The following ST8SIA4 variants were observed in gnomAD, a reference collection of about 807,000 sequenced individuals.
ST8SIA4 encodes the protein ST8 alpha-N-acetyl-neuraminide alpha-2,8-sialyltransferase 4, also known as CMP-N-acetylneuraminate-poly-alpha-2,8-sialyltransferase.
ST8SIA4 carries 15 observed loss-of-function variants against 33.9 expected under a neutral mutation model. That is an observed-to-expected ratio of 0.44 (90% CI 0.30 to 0.68). The LOEUF is 0.68. Among genes scored for constraint, ST8SIA4 ranks in the 30% least tolerant of loss-of-function variants. The pLI is 0.10. For missense variants in ST8SIA4, 321 were observed against 428.0 expected, an observed-to-expected ratio of 0.75 and a Z score of 2.21; for synonymous variants, 171 against 151.2, an observed-to-expected ratio of 1.13 and a Z score of -0.96.
chr5:100,862,776 C>T (rs929346981), intron 3 of ST8SIA4, among the ~76,000 whole-genome samples: 6 of 152,174 alleles, frequency 3.9e-5, no homozygotes, highest in Non-Finnish European at 2.9e-5. Context: ...ATGTGATTCT[C>T]ACAATAAGCC....
At chr5:100,901,624 A>C (rs1434487702) in intron 1 of ST8SIA4, among the ~76,000 whole-genome samples, 3 of 152,160 alleles carry the variant, frequency 2.0e-5, no homozygotes, top group Non-Finnish European at 4.4e-5. Flanking sequence ...TCGTTGATGC[A>C]TGACGACCAT....
At chr5:100,828,311 G>A (rs1751183756) in intron 4 of ST8SIA4, among the ~76,000 whole-genome samples, 1 of 152,154 alleles carries the variant, frequency 6.6e-6, no homozygotes. Flanking sequence ...GCCTTTCAGA[G>A]TTCCTCTTTT....
chr5:100,823,677 A>C (rs980585629), intron 4 of ST8SIA4, among the ~76,000 whole-genome samples: 1 of 152,188 alleles, frequency 6.6e-6, no homozygotes, highest in Non-Finnish European at 1.5e-5. Context: ...GAAACAAAAA[A>C]CTCCAATAGT....
chr5:100,874,760 T>A (rs569966427), intron 3 of ST8SIA4, among the ~76,000 whole-genome samples: 1 of 152,148 alleles, frequency 6.6e-6, no homozygotes, highest in South Asian at 2.1e-4. Context: ...AATTTTTTAA[T>A]TTTTTTAGAG....
At chr5:100,875,094 G>C (rs1423553660) in intron 3 of ST8SIA4, among the ~76,000 whole-genome samples, 2 of 152,142 alleles carry the variant, frequency 1.3e-5, no homozygotes, top group Admixed American at 6.6e-5. Context: ...ATTCAGCTCA[G>C]ATATGTACTA....
rs150785295 is a variant in ST8SIA4, at chr5:100,886,499, C to T, written c.347G>A (p.Arg116Gln). 2.6e-5 allele frequency: 42 copies of T among 1,613,680 alleles called. No individual in the cohort carries two copies. Among genetic ancestry groups the T allele is most frequent in the Middle Eastern group, 1.6e-4 (1 of 6,084 alleles). The change falls in exon 3 of 5, where the codon CGG becomes CAG. Residue 116 changes from arginine (R) to glutamine (Q), a missense_variant. Physicochemically the swap from Arg to Gln is conservative, Grantham distance 43. Coordinates refer to ENST00000231461, the MANE Select transcript of ST8SIA4 (RefSeq NM_005668.6). ...TAGATCATGAGAAATGTTTAGTGTCCGGCGCCTGTCAAGCACATAGTGTAT... is the reference window on the plus strand; with the variant it reads ...TAGATCATGAGAAATGTTTAGTGTCTGGCGCCTGTCAAGCACATAGTGTAT... ...DVIHYVLDRR[R>Q]TLNISHDLHS...
chr5:100,886,616 A>G lies in ST8SIA4; in HGVS notation c.246-16T>C. 6.2e-7 allele frequency: 1 copy of G among 1,603,656 alleles called. No homozygotes were observed. The highest frequency in any genetic ancestry group is 8.5e-7 in the Non-Finnish European group (1 of 1,171,072). On this transcript the variant is annotated splice_polypyrimidine_tract_variant and intron_variant, in intron 2 of 4. Coordinates refer to ENST00000231461, the MANE Select transcript of ST8SIA4 (RefSeq NM_005668.6). ...TATGTTCTTCCTGTATTTGAAATACAAGCAAAGTTTTACATTACCATCAGC... is the reference window on the plus strand; with the variant it reads ...TATGTTCTTCCTGTATTTGAAATACGAGCAAAGTTTTACATTACCATCAGC...
intron 4 of ST8SIA4, among the ~76,000 whole-genome samples, chr5:100,855,272 C>G (rs1279038521): frequency 6.6e-6 from 1 of 152,162 alleles, no homozygotes; most frequent in African/African-American, 2.4e-5. Flanking sequence ...TTCCAAGTGT[C>G]TTTGTGAACC....
chr5:100,827,872 A>G (rs1751176488), intron 4 of ST8SIA4, among the ~76,000 whole-genome samples: 1 of 152,206 alleles, frequency 6.6e-6, no homozygotes, highest in African/African-American at 2.4e-5. Context: ...AGTGCATTTT[A>G]AGATCACAGA....
At chr5:100,888,483 T>C (rs1752589751) in intron 2 of ST8SIA4, among the ~76,000 whole-genome samples, 1 of 151,896 alleles carries the variant, frequency 6.6e-6, no homozygotes, top group South Asian at 2.1e-4. Flanking sequence ...CTACACCTAG[T>C]TTGGAAATTG....
At chr5:100,865,595 T>C (rs1033265933) in intron 3 of ST8SIA4, among the ~76,000 whole-genome samples, 1 of 152,176 alleles carries the variant, frequency 6.6e-6, no homozygotes, top group South Asian at 2.1e-4. Flanking sequence ...CATGTTCAAA[T>C]TGAAAACCAT....
chr5:100,814,307 G>A (rs1229098115), intron 4 of ST8SIA4, among the ~76,000 whole-genome samples: 2 of 151,990 alleles, frequency 1.3e-5, no homozygotes, highest in Non-Finnish European at 2.9e-5. Flanking sequence ...AATGAGTAGA[G>A]TGACTTTAAA....
intron 4 of ST8SIA4, 62 bp from the exon 5 acceptor site, chr5:100,812,191 A>G (rs1750830803): frequency 1.4e-6 from 2 of 1,406,736 alleles, no homozygotes; most frequent in South Asian, 1.4e-5. Flanking sequence ...AGCATATCCT[A>G]TAGCAAGTAT....
Position 100,812,139 on chromosome 5 carries a change from CA to C in ST8SIA4, c.798-11del, listed in dbSNP as rs750094519. The C allele has an allele frequency of 3.6e-5, 57 of 1,596,262 alleles. No homozygotes were observed. The highest frequency in any genetic ancestry group is 4.6e-5 in the Non-Finnish European group (54 of 1,174,172). On this transcript the variant is annotated splice_polypyrimidine_tract_variant and intron_variant, in intron 4 of 4. Transcript: ENST00000231461. ...GTTGGTCAGCCAGTAACTGGAAAAA[CA>C]AAAAACAAAATCAAGAAGAGAAGAA...
intron 3 of ST8SIA4, among the ~76,000 whole-genome samples, chr5:100,877,529 G>T (rs1468270274): frequency 6.6e-6 from 1 of 152,152 alleles, no homozygotes; most frequent in Non-Finnish European, 1.5e-5. Context: ...ATGACAATAG[G>T]TCATTGAAGA....
chr5:100,807,382 G>T lies in ST8SIA4; in HGVS notation c.*4465C>A, dbSNP rs374679718. On this transcript the variant is annotated 3_prime_UTR_variant, in exon 5 of 5. Coordinates refer to ENST00000231461, the MANE Select transcript of ST8SIA4 (RefSeq NM_005668.6). ...AAATACTCAGTAGCAATTATTCTGT[G>T]CAGCAATGCTATCTCTGTAAACTCT... 3.3e-5 allele frequency: 5 copies of T among 152,578 alleles called. No individual in the cohort carries two copies. Among genetic ancestry groups the T allele is most frequent in the African/African-American group, 1.2e-4 (5 of 41,532 alleles). The allele number at this position is 152,578 out of a possible 1,614,324, so 9.5% of individuals were successfully genotyped here.
chr5:100,888,213 A>C (rs1487208025), intron 2 of ST8SIA4, among the ~76,000 whole-genome samples: 5 of 151,256 alleles, frequency 3.3e-5, no homozygotes, highest in East Asian at 3.9e-4. Flanking sequence ...AAAAAAAAAA[A>C]CATATATATA....
At chr5:100,861,329 C>T (rs1014989273) in intron 3 of ST8SIA4, among the ~76,000 whole-genome samples, 3 of 152,032 alleles carry the variant, frequency 2.0e-5, no homozygotes, top group African/African-American at 7.2e-5. Context: ...AACCCAGGTT[C>T]GTTAACATTA....
In ST8SIA4 at chr5:100,903,033, A is replaced by G; in HGVS notation, c.-78T>C. The G allele has an allele frequency of 9.8e-7, 1 of 1,025,342 alleles. No individual in the cohort carries two copies. The highest frequency in any genetic ancestry group is 1.5e-6 in the Non-Finnish European group (1 of 657,336). The allele number at this position is 1,025,342 out of a possible 1,614,324, so 63.5% of individuals were successfully genotyped here. ...TATAAAGGCTCCGTTTTGGGGAGAT[A>G]GTCGCGGGGGTGAAATCTGTAAAAT... is the stretch of plus-strand genomic sequence containing the variant. On this transcript the variant is annotated 5_prime_UTR_variant, in exon 1 of 5. Transcript: ENST00000231461.
Sources: gnomAD v4.1 joint callset for allele counts (sites outside exome capture counted in the v4.1 genomes callset) on GRCh38, gnomAD v4.1.1 for gene constraint, MANE v1.5 for transcripts, NCBI Gene and HGNC (gene_info 2026-07-23, HGNC 2026-07-21) for gene names.